PAPPA2: variants seen among roughly 807,000 people sequenced by gnomAD.
The protein encoded by PAPPA2 is pappalysin 2.
PAPPA2 carries 86 observed loss-of-function variants against 176.4 expected under a neutral mutation model. The ratio of observed to expected loss-of-function variants is 0.49; its 90% CI spans 0.41 to 0.58. PAPPA2 has a LOEUF of 0.58. PAPPA2 is among the 20% of genes least tolerant of loss of function. The pLI is 0.00. For missense variants in PAPPA2, 2,073 were observed against 2,256.9 expected, an observed-to-expected ratio of 0.92 and a Z score of 1.65; for synonymous variants, 809 against 852.2, an observed-to-expected ratio of 0.95 and a Z score of 0.88.
chr1:176,639,529 T>A (rs2102723930), intron 3 of PAPPA2, among the ~76,000 whole-genome samples: 1 of 152,222 alleles, frequency 6.6e-6, no homozygotes, highest in East Asian at 1.9e-4. Context: ...AGTAAAGGAA[T>A]AGTTCTAAGT....
chr1:176,763,941 A>G (rs553341108), intron 14 of PAPPA2, among the ~76,000 whole-genome samples: 4 of 152,332 alleles, frequency 2.6e-5, no homozygotes, highest in East Asian at 3.9e-4. Context: ...TCATGGTTCT[A>G]TAGTCTGGGA....
Position 176,666,894 on chromosome 1 carries a change from G to A in PAPPA2, c.1992-4076G>A, listed in dbSNP as rs983042016. On this transcript the variant is annotated intron_variant, in intron 3 of 22. Transcript: ENST00000367662. Reference sequence around the variant, plus strand: ...AATACATCTGAATAAGGGTGACAATGAGAATGGATGAGCAAAGGGAAGTGA... The same window carrying A: ...AATACATCTGAATAAGGGTGACAATAAGAATGGATGAGCAAAGGGAAGTGA... Among the ~76,000 whole-genome samples the A allele has an allele frequency of 6.6e-5, 10 of 152,258 alleles. No individual in the cohort carries two copies. In the South Asian group the frequency reaches 1.9e-3, roughly 28 times the overall value.
intron 21 of PAPPA2, among the ~76,000 whole-genome samples, chr1:176,832,325 G>C (rs1371196705): frequency 6.6e-6 from 1 of 152,070 alleles, no homozygotes; most frequent in Non-Finnish European, 1.5e-5. Context: ...AGCAGAGCTG[G>C]GATCTGAGCA....
chr1:176,819,992 A>AG (rs1161563324), intron 21 of PAPPA2, among the ~76,000 whole-genome samples: 1 of 152,170 alleles, frequency 6.6e-6, no homozygotes, highest in Non-Finnish European at 1.5e-5. Context: ...ACTTGGGGTA[A>AG]CTTTCCTTCA....
In PAPPA2 at chr1:176,692,415, G is replaced by A. The variant is rs189370509; in HGVS notation, c.2624+97G>A. 4.7e-6 allele frequency: 6 copies of A among 1,279,210 alleles called. No individual in the cohort carries two copies. In the Admixed American group the frequency reaches 1.0e-4, roughly 21 times the overall value. The allele number at this position is 1,279,210 out of a possible 1,614,324, so 79.2% of individuals were successfully genotyped here. On this transcript the variant is annotated intron_variant, in intron 6 of 22. Coordinates refer to ENST00000367662, the MANE Select transcript of PAPPA2 (RefSeq NM_020318.3). ...TATGAATCCAGGGGAACTCCAATTT[G>A]GAAGTATAAATGTGTGCACCACTGC...
At chr1:176,513,942 C>T (rs1254162201) in intron 1 of PAPPA2, among the ~76,000 whole-genome samples, 1 of 152,068 alleles carries the variant, frequency 6.6e-6, no homozygotes, top group African/African-American at 2.4e-5. Context: ...ATCATCCATC[C>T]ACATGCACCA....
chr1:176,792,241 C>G (rs1665209742), intron 19 of PAPPA2, among the ~76,000 whole-genome samples: 1 of 152,012 alleles, frequency 6.6e-6, no homozygotes, highest in Non-Finnish European at 1.5e-5. Flanking sequence ...GTCATGTTAA[C>G]TTTGCCTTGG....
intron 2 of PAPPA2, among the ~76,000 whole-genome samples, chr1:176,588,656 TTTGCTGGATGTGTGC>T (rs1653470431): frequency 6.6e-6 from 1 of 152,202 alleles, no homozygotes; most frequent in African/African-American, 2.4e-5. Flanking sequence ...GTGGCACAAC[TTTGCTGGATGTGTGC>T]TTGCTGGGCT....
intron 3 of PAPPA2, among the ~76,000 whole-genome samples, chr1:176,620,462 G>A (rs1473184669): frequency 6.6e-6 from 1 of 152,086 alleles, no homozygotes; most frequent in Non-Finnish European, 1.5e-5. Flanking sequence ...TAATAGTCTA[G>A]ACATTTCAAA....
chr1:176,811,662 C>T (rs1666154677), intron 21 of PAPPA2, among the ~76,000 whole-genome samples: 1 of 152,116 alleles, frequency 6.6e-6, no homozygotes, highest in Non-Finnish European at 1.5e-5. Context: ...AACTGTCTTC[C>T]AGGCTCACTA....
chr1:176,484,210 G>T (rs1476136288), intron 1 of PAPPA2, among the ~76,000 whole-genome samples: 1 of 152,158 alleles, frequency 6.6e-6, no homozygotes, highest in Non-Finnish European at 1.5e-5. Context: ...GTCAGATGCA[G>T]TTTCTATCTT....
chr1:176,593,131 C>A (rs1478974250), intron 2 of PAPPA2, among the ~76,000 whole-genome samples: 1 of 152,132 alleles, frequency 6.6e-6, no homozygotes, highest in African/African-American at 2.4e-5. Context: ...CTAAAAAGTA[C>A]TTTTATTTTA....
At chr1:176,483,770 C>T (rs777031967) in intron 1 of PAPPA2, among the ~76,000 whole-genome samples, 1 of 152,048 alleles carries the variant, frequency 6.6e-6, no homozygotes, top group Admixed American at 6.6e-5. Context: ...CACCCAGCCT[C>T]AGACATCTTT....
chr1:176,578,795 T>TGCTTTTCCATTTA (rs1313540431), intron 2 of PAPPA2, among the ~76,000 whole-genome samples: 1 of 152,194 alleles, frequency 6.6e-6, no homozygotes, highest in African/African-American at 2.4e-5. Flanking sequence ...GGGCACTTTT[T>TGCTTTTCCATTTA]GCTTTTCCAT....
At chr1:176,632,229 A>ATG (rs56939950) in intron 3 of PAPPA2, among the ~76,000 whole-genome samples, 15,977 of 145,422 alleles carry the variant, frequency 0.11, 1,361 homozygotes, top group African/African-American at 0.25. Flanking sequence ...ATTAGTAGTG[A>ATG]TGTGTGTGTG....
rs758754937 is a variant in PAPPA2 at position 176,793,655 on chromosome 1, C to G, written c.5116C>G (p.Pro1706Ala). 6.2e-6 allele frequency: 10 copies of G among 1,607,336 alleles called. No individual in the cohort carries two copies. In the East Asian group the frequency reaches 2.2e-4, roughly 36 times the overall value. ...TADTLEHWME[P>A]VKVQSIVCTG... ...TGACACTCTGGAGCACTGGATGGAACCTGTCAAAGTCCAGGTGAGGAAAGG... is the reference window on the plus strand; with the variant it reads ...TGACACTCTGGAGCACTGGATGGAAGCTGTCAAAGTCCAGGTGAGGAAAGG... The change falls in exon 20 of 23, where the codon CCT (proline) becomes GCT (alanine). Residue 1706 changes from proline to alanine, a missense_variant. Transcript: ENST00000367662.
At position 176,692,300 on chromosome 1, in the gene PAPPA2, G is replaced by A; in HGVS notation, c.2606G>A (p.Ser869Asn). The change falls in exon 6 of 23, where the codon AGT becomes AAT. Residue 869 changes from serine (S) to asparagine (N), a missense_variant. This residue lies in a region of PAPPA2 where 1,196 missense variants were observed against 1,330.4 expected (regional missense o/e 0.90). Coordinates refer to ENST00000367662, the MANE Select transcript of PAPPA2 (RefSeq NM_020318.3). ...SLTIHWLPPISGVVYDRASGS... is the reference protein window; with the variant it reads ...SLTIHWLPPINGVVYDRASGS... Reference sequence around the variant, plus strand: ...ACTATCCACTGGCTGCCTCCTATTAGTGGAGTTGTATATGACAGGTGAGAG... The same window carrying A: ...ACTATCCACTGGCTGCCTCCTATTAATGGAGTTGTATATGACAGGTGAGAG... 1 of 1,613,314 alleles carries A rather than the reference G, an allele frequency of 6.2e-7. No homozygotes were observed. The highest frequency in any genetic ancestry group is 8.5e-7 in the Non-Finnish European group (1 of 1,179,446).
intron 2 of PAPPA2, among the ~76,000 whole-genome samples, chr1:176,573,004 G>A (rs1034809826): frequency 2.6e-5 from 4 of 152,184 alleles, no homozygotes; most frequent in Non-Finnish European, 5.9e-5. Flanking sequence ...ACTGAGAAGA[G>A]AAACATCCGG....
At chr1:176,626,202 C>G (rs1656002662) in intron 3 of PAPPA2, among the ~76,000 whole-genome samples, 1 of 152,146 alleles carries the variant, frequency 6.6e-6, no homozygotes, top group South Asian at 2.1e-4. Flanking sequence ...CACTCCTTCT[C>G]TTCCCTCATA....
Sources: allele counts gnomAD v4.1 joint callset (sites outside exome capture counted in the v4.1 genomes callset), GRCh38; gene constraint gnomAD v4.1.1; regional missense constraint gnomAD v4.1.1; transcripts MANE v1.5; gene names NCBI Gene and HGNC (gene_info 2026-07-23, HGNC 2026-07-21).